LIMS2: variants seen among roughly 807,000 people sequenced by gnomAD.
LIMS2 encodes LIM and senescent cell antigen-like-containing domain protein 2.
A neutral mutation model predicts 45.3 loss-of-function variants in LIMS2; 30 were observed. The observed-to-expected ratio is 0.66, with a 90% CI of 0.50 to 0.90. The LOEUF (loss-of-function observed/expected upper bound fraction) is 0.90. Ranked by LOEUF, LIMS2 falls within the 40% of genes least tolerant of loss-of-function variation. The pLI is 0.00. For synonymous variants in LIMS2, 173 were observed against 188.0 expected, an observed-to-expected ratio of 0.92 and a Z score of 0.65; for missense variants, 485 against 468.7, an observed-to-expected ratio of 1.03 and a Z score of -0.32.
rs1406409510 is a variant in LIMS2, at chr2:127,653,821, C to T, written c.359+603G>A. On this transcript the variant is annotated intron_variant, in intron 4 of 9. Coordinates refer to ENST00000355119, the MANE Select transcript of LIMS2 (RefSeq NM_001161403.3). The surrounding 1 kb of genome is among the most constrained non-coding windows in gnomAD (Gnocchi z 5.3). The stretch of plus-strand genomic sequence containing the variant: ...AGGAAGGCCCAGCAGTGTTTTTAAC[C>T]CAGCTCCCCAGCCCAGTCCTTCAGA... Among the ~76,000 whole-genome samples, 2 of 152,034 alleles carry T rather than the reference C, an allele frequency of 1.3e-5. No individual in the cohort carries two copies. Among genetic ancestry groups the T allele is most frequent in the African/African-American group, 2.4e-5 (1 of 41,386 alleles).
At position 127,662,006 on chromosome 2, in the gene LIMS2, G is replaced by A. The variant is rs1573831091; in HGVS notation, c.12-4444C>T. On this transcript the variant is annotated intron_variant, in intron 1 of 9. Coordinates refer to ENST00000355119, the MANE Select transcript of LIMS2 (RefSeq NM_001161403.3). ...TCAAGGAAGTGTGTGTAAGGATCTG[G>A]GAAGAGTTGGGGGCCAGCCACAAGA... is the stretch of plus-strand genomic sequence containing the variant. Among the ~76,000 whole-genome samples the A allele has an allele frequency of 5.3e-5, 8 of 152,270 alleles. No homozygotes were observed. In the South Asian group the frequency reaches 1.7e-3, roughly 32 times the overall value.
intron 1 of LIMS2, among the ~76,000 whole-genome samples, chr2:127,659,396 G>A (rs565133432): frequency 7.1e-4 from 108 of 152,300 alleles, no homozygotes; most frequent in African/African-American, 2.4e-3. Flanking sequence ...GGCACCCAGC[G>A]GCTGGTCCTC....
At chr2:127,650,759 C>T (rs1558880930) in intron 4 of LIMS2, 1 of 1,613,716 alleles carries the variant, frequency 6.2e-7, no homozygotes, top group African/African-American at 1.3e-5. Context: ...AAGTGGCTCC[C>T]CCAGGTCTGA....
In LIMS2 at chr2:127,652,991, G is replaced by A. The variant is rs375089073; in HGVS notation, c.359+1433C>T. Among the ~76,000 whole-genome samples, 4 of 152,214 alleles carry A rather than the reference G, an allele frequency of 2.6e-5. No individual in the cohort carries two copies. The East Asian group carries it at 5.8e-4, about 22-fold the overall frequency. On this transcript the variant is annotated intron_variant, in intron 4 of 9. Coordinates refer to ENST00000355119, the MANE Select transcript of LIMS2 (RefSeq NM_001161403.3). ...TTGGCTCAGGAAGGAGATTGGGCTC[G>A]CTCCACACACCCTGTCGGCGACGTT...
At chr2:127,640,627 AAGGG>A in intron 7 of LIMS2, 1 of 598,256 alleles carries the variant, frequency 1.7e-6, no homozygotes, top group Non-Finnish European at 3.0e-6. Flanking sequence ...GTACCAGAGC[AAGGG>A]AGGGAGGGGG....
intron 1 of LIMS2, chr2:127,674,517 G>T: frequency 1.6e-6 from 1 of 620,950 alleles, no homozygotes; most frequent in Non-Finnish European, 2.0e-6. Flanking sequence ...TGGTGCTTGG[G>T]CGCAGCTCTG....
At position 127,657,549 on chromosome 2, in the gene LIMS2, C is replaced by T. The variant is rs144035185; in HGVS notation, c.25G>A (p.Ala9Thr). Residue 9 changes from alanine to threonine, a missense_variant, in exon 2 of 10, where the codon GCC (alanine) becomes ACC (threonine). Transcript: ENST00000355119. ...CGCTGGCACACGGCGTTGGCCAAGG[C>T]GTCCGACATATTGCTGGGGGCAGGA... MTGSNMSD[A>T]LANAVCQRCQ... 7 of 1,602,340 alleles carry T rather than the reference C, an allele frequency of 4.4e-6. No individual in the cohort carries two copies. The highest frequency in any genetic ancestry group is 2.2e-5 in the East Asian group (1 of 44,834).
chr2:127,643,585 G>T, intron 4 of LIMS2: 2 of 456,674 alleles, frequency 4.4e-6, no homozygotes, highest in Non-Finnish European at 8.8e-6. Flanking sequence ...ATGTCAGATG[G>T]AGGCCCCCAA....
rs555411384 is a variant in LIMS2, at chr2:127,657,253, T to A, written c.171+150A>T. 18 of 829,958 alleles carry A rather than the reference T, an allele frequency of 2.2e-5. No homozygotes were observed. The South Asian group carries it at 2.9e-4, about 13-fold the overall frequency. The allele number at this position is 829,958 out of a possible 1,614,324, so 51.4% of individuals were successfully genotyped here. On this transcript the variant is annotated intron_variant, in intron 2 of 9. Coordinates refer to ENST00000355119, the MANE Select transcript of LIMS2 (RefSeq NM_001161403.3). Reference sequence around the variant, plus strand: ...CTGTTCACATCTCACAGGTGAAGGATGGGCCCGTGCAGGAGCTCAAGCCTG... The same window carrying A: ...CTGTTCACATCTCACAGGTGAAGGAAGGGCCCGTGCAGGAGCTCAAGCCTG...
At chr2:127,678,177 G>A (rs979973727), upstream of LIMS2, among the ~76,000 whole-genome samples, 2 of 152,136 alleles carry the variant, frequency 1.3e-5, no homozygotes, top group African/African-American at 2.4e-5. The surrounding 1 kb of genome is among the most constrained non-coding windows in gnomAD (Gnocchi z 5.3). Flanking sequence ...CGATGTGGTG[G>A]ATCCCCGTAG....
chr2:127,662,435 C>T (rs72843395), intron 1 of LIMS2, among the ~76,000 whole-genome samples: 2 of 151,850 alleles, frequency 1.3e-5, no homozygotes, highest in Non-Finnish European at 2.9e-5. Flanking sequence ...CTCCCTGCCC[C>T]GCCTCCATGA....
At chr2:127,660,581 C>T (rs896069231) in intron 1 of LIMS2, among the ~76,000 whole-genome samples, 1 of 152,162 alleles carries the variant, frequency 6.6e-6, no homozygotes. Flanking sequence ...GTCAGTAAGA[C>T]CACAACCCCA....
chr2:127,663,946 C>T (rs187616576), intron 1 of LIMS2, among the ~76,000 whole-genome samples: 29 of 152,276 alleles, frequency 1.9e-4, no homozygotes, highest in African/African-American at 6.5e-4. Context: ...CACAGCATAG[C>T]CATGTTTGGG....
chr2:127,646,821 A>G (rs1683040979), intron 4 of LIMS2: 1 of 152,340 alleles, frequency 6.6e-6, no homozygotes, highest in Admixed American at 6.5e-5. Flanking sequence ...GCGAGTCTAG[A>G]CTGAAGTTTG....
At chr2:127,657,180 A>C (rs1684313869) in intron 2 of LIMS2, among the ~76,000 whole-genome samples, 1 of 152,160 alleles carries the variant, frequency 6.6e-6, no homozygotes. Flanking sequence ...TGCCCAGAGG[A>C]GGCTGGTGAA....
intron 4 of LIMS2, chr2:127,650,821 T>C: frequency 1.2e-6 from 2 of 1,613,994 alleles, no homozygotes; most frequent in South Asian, 2.2e-5. Context: ...GAGACGCCAC[T>C]GGAGAACATG....
At chr2:127,665,144 G>A (rs1684938758) in intron 1 of LIMS2, among the ~76,000 whole-genome samples, 2 of 152,098 alleles carry the variant, frequency 1.3e-5, no homozygotes, top group African/African-American at 2.4e-5. Flanking sequence ...AAACACCCGC[G>A]GTAGGCATCC....
chr2:127,652,797 A>G (rs1379300444), intron 4 of LIMS2, among the ~76,000 whole-genome samples: 3 of 152,150 alleles, frequency 2.0e-5, no homozygotes, highest in Non-Finnish European at 2.9e-5. Context: ...GAGGTTCTGC[A>G]CTGTGGGGCT....
chr2:127,670,726 G>T (rs1685233924), intron 1 of LIMS2, among the ~76,000 whole-genome samples: 1 of 152,044 alleles, frequency 6.6e-6, no homozygotes, highest in African/African-American at 2.4e-5. Flanking sequence ...TATGAGGCAG[G>T]GCTGCCTCCC....
Sources: allele counts gnomAD v4.1 joint callset (sites outside exome capture counted in the v4.1 genomes callset), GRCh38; gene constraint gnomAD v4.1.1; non-coding constraint Gnocchi (gnomAD v3.1); transcripts MANE v1.5; gene names NCBI Gene and HGNC (gene_info 2026-07-23, HGNC 2026-07-21).